The following ATG7 variants were observed in gnomAD, a reference collection of about 807,000 sequenced individuals.
ATG7 encodes the protein ubiquitin-like modifier-activating enzyme ATG7.
ATG7 carries 70 observed loss-of-function variants against 82.4 expected under a neutral mutation model. The ratio of observed to expected loss-of-function variants is 0.85; its 90% CI spans 0.70 to 1.04. The LOEUF (loss-of-function observed/expected upper bound fraction) is 1.04, where lower values mean the gene tolerates loss of function less well. Ranked by LOEUF, ATG7 falls within the 50% of genes least tolerant of loss-of-function variation. The pLI is 0.00. For synonymous variants in ATG7, 287 were observed against 313.0 expected (o/e 0.92, Z 0.88); for missense variants, 792 against 864.3 (o/e 0.92, Z 1.05).
intron 5 of ATG7, among the ~76,000 whole-genome samples, chr3:11,300,080 A>G (rs1252926328): frequency 6.6e-6 from 1 of 151,988 alleles, no homozygotes; most frequent in African/African-American, 2.4e-5. Context: ...TCACGCCATC[A>G]TGCCTGGCTA....
chr3:11,434,305 A>G (rs1201632558), intron 20 of ATG7, among the ~76,000 whole-genome samples: 1 of 152,106 alleles, frequency 6.6e-6, no homozygotes, highest in African/African-American at 2.4e-5. Flanking sequence ...GCTGTGGGAA[A>G]CCCCCGTGTC....
At chr3:11,440,257 C>G (rs1267082990) in intron 20 of ATG7, among the ~76,000 whole-genome samples, 1 of 151,766 alleles carries the variant, frequency 6.6e-6, no homozygotes, top group African/African-American at 2.4e-5. Context: ...ACTTGCGACT[C>G]CAATCCCAAC....
chr3:11,340,108 A>C (rs1039633706), intron 11 of ATG7, among the ~76,000 whole-genome samples: 1 of 152,168 alleles, frequency 6.6e-6, no homozygotes, highest in African/African-American at 2.4e-5. Flanking sequence ...GAATGGATAA[A>C]GATGAGCTTA....
At chr3:11,347,801 C>A (rs976417316) in intron 13 of ATG7, 76 bp from the exon 14 acceptor site, 13 of 1,459,224 alleles carry the variant, frequency 8.9e-6, no homozygotes, top group Non-Finnish European at 1.2e-5. Context: ...AACCAATATT[C>A]TTTTTGAGAT....
chr3:11,432,008 G>A (rs1237563413), intron 20 of ATG7, among the ~76,000 whole-genome samples: 3 of 152,192 alleles, frequency 2.0e-5, no homozygotes, highest in African/African-American at 7.2e-5. Context: ...TTTGAACTAG[G>A]TTACTGGTAT....
intron 19 of ATG7, among the ~76,000 whole-genome samples, chr3:11,385,271 G>A (rs1293034087): frequency 6.6e-6 from 1 of 152,086 alleles, no homozygotes; most frequent in African/African-American, 2.4e-5. Context: ...CTTGTAATCT[G>A]CCCACCTCGA....
chr3:11,527,135 C>T (rs1372265012), intron 20 of ATG7, among the ~76,000 whole-genome samples: 1 of 150,846 alleles, frequency 6.6e-6, no homozygotes, highest in African/African-American at 2.4e-5. Flanking sequence ...GGTGGAGTCT[C>T]ACTCTGTTGT....
chr3:11,401,545 A>C (rs896129543), intron 19 of ATG7, among the ~76,000 whole-genome samples: 6 of 152,232 alleles, frequency 3.9e-5, no homozygotes, highest in African/African-American at 1.4e-4. Context: ...TCACAGCCTC[A>C]CTAAGGAAGT....
At chr3:11,357,424 G>C (rs2076004035) in intron 14 of ATG7, among the ~76,000 whole-genome samples, 1 of 152,240 alleles carries the variant, frequency 6.6e-6, no homozygotes, top group Admixed American at 6.5e-5. Context: ...GCCTTACTCT[G>C]TCCCACACTC....
chr3:11,554,527 G>A (rs2072200300), intron 20 of ATG7, among the ~76,000 whole-genome samples: 1 of 152,212 alleles, frequency 6.6e-6, no homozygotes, highest in Non-Finnish European at 1.5e-5. Context: ...CTGGGTCAGG[G>A]ACGGTCCCCC....
At chr3:11,330,768 A>G (rs1471405543) in intron 9 of ATG7, among the ~76,000 whole-genome samples, 1 of 152,250 alleles carries the variant, frequency 6.6e-6, no homozygotes, top group Non-Finnish European at 1.5e-5. Flanking sequence ...TTCTGCCAGC[A>G]GAAGTCTTCA....
intron 20 of ATG7, among the ~76,000 whole-genome samples, chr3:11,474,272 A>G (rs1014958445): frequency 3.3e-5 from 5 of 152,236 alleles, no homozygotes; most frequent in Non-Finnish European, 5.9e-5. Flanking sequence ...AAATGAAAAA[A>G]GTCACTTTCA....
At chr3:11,551,840 C>G (rs2071824334) in intron 20 of ATG7, among the ~76,000 whole-genome samples, 1 of 152,188 alleles carries the variant, frequency 6.6e-6, no homozygotes, top group Non-Finnish European at 1.5e-5. Flanking sequence ...CTTCTACCTC[C>G]TGAGTTCAAG....
intron 20 of ATG7, among the ~76,000 whole-genome samples, chr3:11,427,491 A>T (rs1166334467): frequency 1.5e-4 from 22 of 143,772 alleles, no homozygotes; most frequent in African/African-American, 3.1e-4. Flanking sequence ...TCATTGCATC[A>T]TTTTTTTTTT....
At chr3:11,437,513 G>C (rs1169159917) in intron 20 of ATG7, among the ~76,000 whole-genome samples, 1 of 152,176 alleles carries the variant, frequency 6.6e-6, no homozygotes, top group East Asian at 1.9e-4. Flanking sequence ...CAGGTGTTTA[G>C]AGGATCTAAA....
the ATG7 span, among the ~76,000 whole-genome samples, chr3:11,575,007 C>G: frequency 1.3e-5 from 2 of 152,132 alleles, no homozygotes; most frequent in African/African-American, 2.4e-5. Context: ...AATAAAGCCG[C>G]AGATCTTTTC....
intron 19 of ATG7, among the ~76,000 whole-genome samples, chr3:11,423,342 T>A (rs558728712): frequency 2.6e-5 from 4 of 152,118 alleles, no homozygotes; most frequent in Non-Finnish European, 5.9e-5. Flanking sequence ...ACAACAGATA[T>A]AATAATAATG....
chr3:11,475,908 C>CACACACACACACACACACACA (rs59230356), intron 20 of ATG7, among the ~76,000 whole-genome samples: 9 of 145,544 alleles, frequency 6.2e-5, no homozygotes, highest in Admixed American at 6.8e-5. Context: ...CACACACACA[C>CACACACACACACACACACACA]CCCCTCCCAG....
At chr3:11,435,885 A>G (rs2083322879) in intron 20 of ATG7, among the ~76,000 whole-genome samples, 2 of 152,196 alleles carry the variant, frequency 1.3e-5, no homozygotes, top group African/African-American at 4.8e-5. Flanking sequence ...CCACAGTATA[A>G]GAGAGAACAG....
Sources: gnomAD v4.1 joint callset for allele counts (sites outside exome capture counted in the v4.1 genomes callset) on GRCh38, gnomAD v4.1.1 for gene constraint, MANE v1.5 for transcripts, NCBI Gene and HGNC (gene_info 2026-07-23, HGNC 2026-07-21) for gene names.